Variants in FBXO42 observed in about 807,000 individuals in gnomAD.
FBXO42 encodes F-box only protein 42.
Under a neutral mutation model 71.7 loss-of-function variants are expected in FBXO42, and 12 were observed. The ratio of observed to expected loss-of-function variants is 0.17; its 90% CI spans 0.11 to 0.27. The LOEUF (loss-of-function observed/expected upper bound fraction) is 0.27, where lower values mean the gene tolerates loss of function less well. Among genes scored for constraint, FBXO42 ranks in the 10% least tolerant of loss-of-function variants. The pLI, the probability that FBXO42 is intolerant of heterozygous loss-of-function variation, is 1.00. For synonymous variants in FBXO42, 325 were observed against 327.5 expected (o/e 0.99, Z 0.08); for missense variants, 707 against 911.9 (o/e 0.78, Z 2.89).
rs1342267151 is a variant in FBXO42 at position 16,301,671 on chromosome 1, AAAAAAAAAAAAACAAC to A, written c.367+4116_367+4131del. On this transcript the variant is annotated intron_variant, in intron 3 of 9. Coordinates refer to ENST00000375592, the MANE Select transcript of FBXO42 (RefSeq NM_018994.3). Reference sequence around the variant, plus strand: ...GGGTGACAGAGTGAGACCCCATCTCAAAAAAAAAAAAACAACAAAAAAAAAAGAAACGGTACAAGAA... The same window carrying A: ...GGGTGACAGAGTGAGACCCCATCTCAAAAAAAAAAAGAAACGGTACAAGAA... Among the ~76,000 whole-genome samples the A allele has an allele frequency of 7.4e-3, 886 of 119,100 alleles. 9 individuals carry two copies. The highest frequency in any genetic ancestry group is 0.03 in the African/African-American group (846 of 27,756). 78.1% of individuals were successfully genotyped at this position (119,100 alleles called of 152,430 possible). A position where few individuals can be genotyped will look rare whatever the true frequency, so the allele number is the denominator to read the frequency against.
chr1:16,267,560 C>A (rs10907222), intron 4 of FBXO42, among the ~76,000 whole-genome samples: 53,811 of 152,038 alleles, frequency 0.35, 10,035 homozygotes, highest in African/African-American at 0.42. Context: ...GCTCCAGCTA[C>A]TTATAACATA....
In FBXO42 at chr1:16,324,898, T is replaced by C. The variant is rs9919160; in HGVS notation, c.-17-9463A>G. Among the ~76,000 whole-genome samples the C allele has an allele frequency of 6.0e-3, 909 of 152,212 alleles. 7 individuals carry two copies. Among genetic ancestry groups the C allele is most frequent in the African/African-American group, 0.021 (866 of 41,552 alleles). On this transcript the variant is annotated intron_variant, in intron 1 of 9. Transcript: ENST00000375592. The stretch of plus-strand genomic sequence containing the variant: ...TTGGGGAAGGTGAAGGGATTAAACA[T>C]TGTCAAATTATTGTAACTTAAACTG...
intron 1 of FBXO42, among the ~76,000 whole-genome samples, chr1:16,341,739 G>A: frequency 6.6e-6 from 1 of 151,740 alleles, no homozygotes; most frequent in East Asian, 1.9e-4. Flanking sequence ...GGTAGGCCAA[G>A]GCGGGCGGAT....
At chr1:16,312,870 C>A (rs1373017809) in intron 2 of FBXO42, among the ~76,000 whole-genome samples, 1 of 151,506 alleles carries the variant, frequency 6.6e-6, no homozygotes, top group Admixed American at 6.6e-5. Context: ...TCTTGGCACA[C>A]TGCAACCTCT....
At chr1:16,340,176 CAA>C (rs545615304) in intron 1 of FBXO42, among the ~76,000 whole-genome samples, 5 of 137,562 alleles carry the variant, frequency 3.6e-5, no homozygotes, top group Admixed American at 7.3e-5. Context: ...ACTCCAGTCT[CAA>C]AAAAAAAAAA....
At chr1:16,313,823 T>C (rs2082338991) in intron 2 of FBXO42, among the ~76,000 whole-genome samples, 1 of 152,212 alleles carries the variant, frequency 6.6e-6, no homozygotes, top group Non-Finnish European at 1.5e-5. Context: ...CTCCACTTGA[T>C]TGATCATCTT....
chr1:16,251,292 C>A lies in FBXO42; in HGVS notation c.1532G>T (p.Ser511Ile). 1 of 1,614,238 alleles carries A rather than the reference C, an allele frequency of 6.2e-7. No individual in the cohort carries two copies. The highest frequency in any genetic ancestry group is 8.5e-7 in the Non-Finnish European group (1 of 1,180,044). The stretch of plus-strand genomic sequence containing the variant: ...GTCCATGCCATCCATGGGATTACTA[C>A]TGGAAGCGGGTTTCAGATCCCAATT... ...DLNWDLKPAS[S>I]SNPMDGMDNR... The change falls in exon 10 of 10, where the codon AGT (serine) becomes ATT (isoleucine). Residue 511 changes from serine (S) to isoleucine (I), a missense_variant. By Grantham distance (142) the Ser-to-Ile change is moderately radical. Transcript: ENST00000375592. The surrounding 1 kb of genome is among the most constrained non-coding windows in gnomAD (Gnocchi z 4.5).
At chr1:16,334,546 T>C (rs2082534369) in intron 1 of FBXO42, among the ~76,000 whole-genome samples, 1 of 151,944 alleles carries the variant, frequency 6.6e-6, no homozygotes, top group Non-Finnish European at 1.5e-5. Flanking sequence ...TTTTCAATAA[T>C]GTTTAAAATA....
chr1:16,267,462 AC>A (rs112556277), intron 4 of FBXO42, among the ~76,000 whole-genome samples: 3,399 of 152,252 alleles, frequency 0.022, 114 homozygotes, highest in African/African-American at 0.078. Context: ...GAAGACAGGG[AC>A]TATTTCTTAT....
At chr1:16,256,883 G>A in intron 4 of FBXO42, 124 bp from the exon 5 acceptor site, 1 of 928,812 alleles carries the variant, frequency 1.1e-6, no homozygotes, top group Non-Finnish European at 1.5e-6. Flanking sequence ...ACAAAGTGTA[G>A]AGGAAAGGTG....
At chr1:16,267,606 A>G (rs1184921629) in intron 4 of FBXO42, among the ~76,000 whole-genome samples, 1 of 152,184 alleles carries the variant, frequency 6.6e-6, no homozygotes, top group African/African-American at 2.4e-5. Flanking sequence ...GGTGGGGTTA[A>G]AGCCAAACAT....
chr1:16,301,680 A>AAC (rs2082196520), intron 3 of FBXO42, among the ~76,000 whole-genome samples: 2 of 139,300 alleles, frequency 1.4e-5, no homozygotes, highest in Non-Finnish European at 3.2e-5. Flanking sequence ...CAAAAAAAAA[A>AAC]AAACAACAAA....
chr1:16,349,739 GC>G (rs1330962970), intron 1 of FBXO42, among the ~76,000 whole-genome samples: 1 of 152,156 alleles, frequency 6.6e-6, no homozygotes, highest in Non-Finnish European at 1.5e-5. Context: ...GCAGGCACCT[GC>G]AATCCCAGTT....
chr1:16,299,160 T>C (rs990670223), intron 3 of FBXO42, among the ~76,000 whole-genome samples: 10 of 151,830 alleles, frequency 6.6e-5, no homozygotes. Context: ...TACAGGCATG[T>C]GCCACCATGC....
At position 16,305,906 on chromosome 1, in the gene FBXO42, C is replaced by T. The variant is rs753649747; in HGVS notation, c.264G>A (p.Gln88=). 10 of 1,613,356 alleles carry T rather than the reference C, an allele frequency of 6.2e-6. No individual in the cohort carries two copies. The highest frequency in any genetic ancestry group is 8.5e-6 in the Non-Finnish European group (10 of 1,179,444). ...CAGCCTTCATGAAACCATGATAACA[C>T]TGATGGGCTACACCTAAGACAGAAA... ...WYRLIKGVAH[Q]CYHGFMKAVQ... The change falls in exon 3 of 10, where the codon CAG becomes CAA. Residue 88 remains glutamine (Q), a synonymous_variant. Transcript: ENST00000375592.
intron 1 of FBXO42, among the ~76,000 whole-genome samples, chr1:16,340,392 C>T (rs2082591084): frequency 6.6e-6 from 1 of 151,884 alleles, no homozygotes; most frequent in Non-Finnish European, 1.5e-5. Context: ...CATCTCGGCT[C>T]ACTGCAGCCT....
intron 3 of FBXO42, among the ~76,000 whole-genome samples, chr1:16,298,279 G>T (rs2082153791): frequency 6.6e-6 from 1 of 152,138 alleles, no homozygotes; most frequent in Admixed American, 6.6e-5. Flanking sequence ...GATCAAGTTA[G>T]AAGACATTAG....
chr1:16,276,379 C>CA (rs34711223), intron 4 of FBXO42, among the ~76,000 whole-genome samples: 1,077 of 97,258 alleles, frequency 0.011, 16 homozygotes, highest in African/African-American at 0.023. Flanking sequence ...CACTCTGTCT[C>CA]AAAAAAAAAA....
chr1:16,256,209 G>A (rs986558845), intron 5 of FBXO42, among the ~76,000 whole-genome samples: 15 of 152,164 alleles, frequency 9.9e-5, no homozygotes, highest in African/African-American at 3.4e-4. Flanking sequence ...CTGTCATTAA[G>A]AGATATATGT....
Sources: allele counts gnomAD v4.1 joint callset (sites outside exome capture counted in the v4.1 genomes callset), GRCh38; gene constraint gnomAD v4.1.1; non-coding constraint Gnocchi (gnomAD v3.1); transcripts MANE v1.5; gene names NCBI Gene and HGNC (gene_info 2026-07-23, HGNC 2026-07-21).